HIBCH: variants seen among roughly 807,000 people sequenced by gnomAD.
The protein encoded by HIBCH is 3-hydroxyisobutyryl-CoA hydrolase, mitochondrial.
HIBCH carries 50 observed loss-of-function variants against 58.2 expected under a neutral mutation model. The ratio of observed to expected loss-of-function variants is 0.86; its 90% CI spans 0.68 to 1.09. The LOEUF is 1.09. HIBCH is among the 50% of genes least tolerant of loss of function. The pLI, the probability that HIBCH is intolerant of heterozygous loss-of-function variation, is 0.00. For synonymous variants in HIBCH, 151 were observed against 146.9 expected (o/e 1.03, Z -0.20); for missense variants, 450 against 449.7 (o/e 1.00, Z -0.01).
At chr2:190,194,002 A>ATATT (rs1381730202) in intron 1 of HIBCH, among the ~76,000 whole-genome samples, 3 of 152,204 alleles carry the variant, frequency 2.0e-5, no homozygotes. Flanking sequence ...AGTTGAAACT[A>ATATT]TATTTTAATT....
At chr2:190,268,250 TG>T (rs1479376355) in intron 6 of HIBCH, among the ~76,000 whole-genome samples, 2 of 152,192 alleles carry the variant, frequency 1.3e-5, no homozygotes, top group East Asian at 3.8e-4. Context: ...TTAGTTAGTG[TG>T]GTATGCTATC....
intron 11 of HIBCH, among the ~76,000 whole-genome samples, chr2:190,238,864 A>G (rs1223926027): frequency 6.6e-6 from 1 of 152,200 alleles, no homozygotes; most frequent in African/African-American, 2.4e-5. Context: ...GACTCTGGAT[A>G]TTAGACCTTT....
chr2:190,213,077 T>A lies in HIBCH; in HGVS notation c.892-2A>T. 5 of 1,603,110 alleles carry A rather than the reference T, an allele frequency of 3.1e-6. No individual in the cohort carries two copies. Among genetic ancestry groups the A allele is most frequent in the Non-Finnish European group, 4.3e-6 (5 of 1,170,286 alleles). On this transcript the variant is annotated splice_acceptor_variant, in intron 11 of 13. Coordinates refer to ENST00000359678, the MANE Select transcript of HIBCH (RefSeq NM_014362.4). LOFTEE classifies it high-confidence loss of function. Reference sequence around the variant, plus strand: ...TGTTGGAGACATTTTATTAATTACCTTTTGGAGGAAAAAATTTACTACTGT... The same window carrying A: ...TGTTGGAGACATTTTATTAATTACCATTTGGAGGAAAAAATTTACTACTGT...
downstream of HIBCH, chr2:190,200,224 A>AAAAGTACAAATAACTATCTGGATTT: frequency 8.5e-7 from 1 of 1,172,794 alleles, no homozygotes; most frequent in South Asian, 1.4e-5. Context: ...ACTGGTGTGA[A>AAAAGTACAAATAACTATCTGGATTT]AAAGTACAAA....
At chr2:190,240,821 T>A (rs1236238741) in intron 11 of HIBCH, among the ~76,000 whole-genome samples, 4 of 152,266 alleles carry the variant, frequency 2.6e-5, no homozygotes, top group Admixed American at 2.6e-4. Context: ...AGTTCTAATT[T>A]GATTGCACTG....
rs1285925843 is a variant in HIBCH at position 190,304,090 on chromosome 2, A to G, written c.78+6664T>C. Among the ~76,000 whole-genome samples the G allele has an allele frequency of 2.0e-5, 3 of 152,142 alleles. No homozygotes were observed. The highest frequency in any genetic ancestry group is 7.2e-5 in the African/African-American group (3 of 41,428). ...CTATCACAGACTAGAGGAAACTAAA[A>G]AGCATGACAAGTGAATGCAGTGTCA... On this transcript the variant is annotated intron_variant, in intron 2 of 13. Coordinates refer to ENST00000359678, the MANE Select transcript of HIBCH (RefSeq NM_014362.4). The surrounding 1 kb of genome is among the most constrained non-coding windows in gnomAD (Gnocchi z 4.1).
At chr2:190,296,980 A>T in intron 2 of HIBCH, 27 bp from the exon 3 acceptor site, 1 of 1,611,904 alleles carries the variant, frequency 6.2e-7, no homozygotes, top group South Asian at 1.1e-5. Context: ...TAACTTTATG[A>T]CAAAATTTCT....
intron 11 of HIBCH, among the ~76,000 whole-genome samples, chr2:190,244,436 GT>G (rs1303986591): frequency 6.6e-6 from 1 of 152,116 alleles, no homozygotes; most frequent in Non-Finnish European, 1.5e-5. Flanking sequence ...TCTCTTGCTT[GT>G]TTAAAAAAGA....
At chr2:190,275,383 CA>C (rs1230402524) in intron 6 of HIBCH, among the ~76,000 whole-genome samples, 10 of 152,110 alleles carry the variant, frequency 6.6e-5, no homozygotes, top group Middle Eastern at 3.2e-3. Flanking sequence ...AAGGAATCTT[CA>C]AAAAGTTCAC....
At position 190,265,122 on chromosome 2, in the gene HIBCH, C is replaced by CAAA. The variant is rs1167140474; in HGVS notation, c.439-3891_439-3889dup. Among the ~76,000 whole-genome samples the CAAA allele has an allele frequency of 3.3e-3, 184 of 56,280 alleles. 18 individuals are homozygous for CAAA. The highest frequency in any genetic ancestry group is 0.012 in the African/African-American group (159 of 13,568). The allele number at this position is 56,280 out of a possible 152,430, so 36.9% of individuals were successfully genotyped here. A position where few individuals can be genotyped will look rare whatever the true frequency, so the allele number is the denominator to read the frequency against. ...TGGAGGACAGAGCAAGACTCCGTCT[C>CAAA]AAAAAAAAAAAAAAAAAAAAAAAAA... On this transcript the variant is annotated intron_variant, in intron 6 of 13. Coordinates refer to ENST00000359678, the MANE Select transcript of HIBCH (RefSeq NM_014362.4).
chr2:190,290,003 C>T (rs1367254331), intron 5 of HIBCH, among the ~76,000 whole-genome samples: 2 of 152,116 alleles, frequency 1.3e-5, no homozygotes, highest in African/African-American at 4.8e-5. Context: ...CTCAGCCTCC[C>T]GAGTAGCTGG....
intron 1 of HIBCH, among the ~76,000 whole-genome samples, chr2:190,196,118 G>A (rs1410173841): frequency 6.6e-6 from 1 of 151,814 alleles, no homozygotes; most frequent in Non-Finnish European, 1.5e-5. Flanking sequence ...TTTTTCATAT[G>A]TTGGTTTTCT....
intron 7 of HIBCH, 106 bp downstream of exon 7, chr2:190,261,050 C>T: frequency 2.5e-6 from 2 of 806,036 alleles, no homozygotes; most frequent in Non-Finnish European, 4.2e-6. Context: ...TTCATTGTTG[C>T]ATCTCACACA....
chr2:190,262,161 G>GTCAAAA (rs555160781), intron 6 of HIBCH, among the ~76,000 whole-genome samples: 1 of 99,982 alleles, frequency 1.0e-5, no homozygotes, highest in Non-Finnish European at 1.9e-5. Context: ...ATGCGGTAGA[G>GTCAAAA]ACAAAAAAAA....
chr2:190,301,184 G>A (rs1356113606), intron 2 of HIBCH, among the ~76,000 whole-genome samples: 2 of 152,220 alleles, frequency 1.3e-5, no homozygotes, highest in East Asian at 3.8e-4. Flanking sequence ...GAGGGAAACA[G>A]AGGTCACTGC....
chr2:190,315,988 A>G lies in HIBCH; in HGVS notation c.35+3728T>C, dbSNP rs374710098. Among the ~76,000 whole-genome samples, 4 of 152,218 alleles carry G rather than the reference A, an allele frequency of 2.6e-5. No homozygotes were observed. The East Asian group carries it at 5.8e-4, about 22-fold the overall frequency. ...TGAAAGAAAAGTTAGAACTAAAGGT[A>G]TATCTTATGCCACATGCATGTACAA... On this transcript the variant is annotated intron_variant, in intron 1 of 13. Coordinates refer to ENST00000359678, the MANE Select transcript of HIBCH (RefSeq NM_014362.4). The surrounding 1 kb of genome is among the most constrained non-coding windows in gnomAD (Gnocchi z 5.4).
rs142571933 is a variant in HIBCH at position 190,281,420 on chromosome 2, C to T, written c.438+6166G>A. On this transcript the variant is annotated intron_variant, in intron 6 of 13. Transcript: ENST00000359678. This position sits in a 1 kb window ranked among gnomAD's most constrained non-coding sequence, Gnocchi z 5.4. ...GTGCTGGAATTCTGGGAGCAGAGGCCCAAGCAGCCCCGGGCGGTAAGCTTA... is the reference window on the plus strand; with the variant it reads ...GTGCTGGAATTCTGGGAGCAGAGGCTCAAGCAGCCCCGGGCGGTAAGCTTA... Among the ~76,000 whole-genome samples, 125 of 152,194 alleles carry T rather than the reference C, an allele frequency of 8.2e-4. 3 individuals carry two copies. The East Asian group carries it at 0.013, about 16-fold the overall frequency.
At position 190,246,173 on chromosome 2, in the gene HIBCH, G is replaced by A. The variant is rs1280144449; in HGVS notation, c.790C>T (p.His264Tyr). 3.8e-6 allele frequency: 6 copies of A among 1,591,388 alleles called. No individual in the cohort carries two copies. Among genetic ancestry groups the A allele is most frequent in the Admixed American group, 1.7e-5 (1 of 59,930 alleles). ...DRDKSFILEE[H>Y]MDKINSCFSA... is the part of the protein sequence containing the mutation. ...AGGTACCTGTTTATTTTGTCCATGT[G>A]TTCCTCAAGTATAAAAGACTTGTCT... The change falls in exon 10 of 14, where the codon CAC (histidine) becomes TAC (tyrosine). Residue 264 changes from histidine (H) to tyrosine (Y), a missense_variant. Transcript: ENST00000359678.
chr2:190,203,335 A>T (rs11216), downstream of HIBCH: 47,834 of 166,942 alleles, frequency 0.29, 7,965 homozygotes, highest in East Asian at 0.48. Context: ...GTTCAGAAGC[A>T]CTACCTGCAT....
Sources: gnomAD v4.1 joint callset for allele counts (sites outside exome capture counted in the v4.1 genomes callset) on GRCh38, gnomAD v4.1.1 for gene constraint, Gnocchi (gnomAD v3.1) non-coding constraint, MANE v1.5 for transcripts, NCBI Gene and HGNC (gene_info 2026-07-23, HGNC 2026-07-21) for gene names.